The following GRM8 variants were observed in gnomAD, a reference collection of about 807,000 sequenced individuals.
The protein encoded by GRM8 is metabotropic glutamate receptor 8.
GRM8 carries 47 observed loss-of-function variants against 87.2 expected under a neutral mutation model. The ratio of observed to expected loss-of-function variants is 0.54; its 90% confidence interval spans 0.43 to 0.69. The LOEUF (loss-of-function observed/expected upper bound fraction) is 0.69. Ranked by LOEUF, GRM8 falls within the 30% of genes least tolerant of loss-of-function variation. The pLI, the probability that GRM8 is intolerant of heterozygous loss-of-function variation, is 0.00. For synonymous variants in GRM8, 396 were observed against 404.5 expected (o/e 0.98, Z 0.25); for missense variants, 1,019 against 1,139.2 (o/e 0.89, Z 1.52).
chr7:127,251,448 G>C (rs1273469168), intron 1 of GRM8, among the ~76,000 whole-genome samples: 1 of 152,160 alleles, frequency 6.6e-6, no homozygotes, highest in African/African-American at 2.4e-5. Flanking sequence ...ATGGCTGAGC[G>C]GTCCATCTCT....
intron 8 of GRM8, among the ~76,000 whole-genome samples, chr7:126,557,386 C>T (rs983262698): frequency 1.3e-5 from 2 of 152,146 alleles, no homozygotes; most frequent in Non-Finnish European, 2.9e-5. Flanking sequence ...CTTGGTCCAT[C>T]CTTACTGTCT....
intron 2 of GRM8, among the ~76,000 whole-genome samples, chr7:127,145,839 A>AAC (rs1828526395): frequency 6.6e-6 from 1 of 152,136 alleles, no homozygotes; most frequent in Non-Finnish European, 1.5e-5. Context: ...TATTGCATGC[A>AAC]ACATACTTAC....
chr7:127,061,101 T>G (rs1184466413), intron 3 of GRM8, among the ~76,000 whole-genome samples: 1 of 152,176 alleles, frequency 6.6e-6, no homozygotes, highest in Non-Finnish European at 1.5e-5. Flanking sequence ...TCCCCATAGC[T>G]TTTCTTCTAC....
At chr7:126,988,817 C>T (rs1812363558) in intron 3 of GRM8, among the ~76,000 whole-genome samples, 1 of 152,112 alleles carries the variant, frequency 6.6e-6, no homozygotes, top group Non-Finnish European at 1.5e-5. Flanking sequence ...TCCAATTTGA[C>T]CAGTGAATTC....
chr7:126,533,389 C>G lies in GRM8; in HGVS notation c.1993G>C (p.Ala665Pro). Residue 665 changes from alanine to proline, a missense_variant, in exon 9 of 11, where the codon GCC (alanine) becomes CCC (proline). Coordinates refer to ENST00000339582, the MANE Select transcript of GRM8 (RefSeq NM_000845.3). ...ATACGGTTTGTTTTGGTCAGAAGGG[C>G]TGCATAGCTGAAACACATGCCAAGT... is the stretch of plus-strand genomic sequence containing the variant. ...LGLGMCFSYA[A>P]LLTKTNRIHR... 3 of 1,613,956 alleles carry G rather than the reference C, an allele frequency of 1.9e-6. No homozygotes were observed. The highest frequency in any genetic ancestry group is 2.5e-6 in the Non-Finnish European group (3 of 1,179,966).
chr7:126,811,015 A>G (rs988923930), intron 6 of GRM8, among the ~76,000 whole-genome samples: 3 of 152,076 alleles, frequency 2.0e-5, no homozygotes, highest in Non-Finnish European at 4.4e-5. Context: ...CTCACATTTA[A>G]GTCTTTAACC....
At chr7:126,787,858 A>T (rs1333500662) in intron 6 of GRM8, among the ~76,000 whole-genome samples, 1 of 152,152 alleles carries the variant, frequency 6.6e-6, no homozygotes, top group Non-Finnish European at 1.5e-5. Context: ...TTCTACTGAA[A>T]TGTAATTTTT....
intron 7 of GRM8, among the ~76,000 whole-genome samples, chr7:126,656,757 G>C (rs1246313001): frequency 1.3e-5 from 2 of 152,152 alleles, no homozygotes; most frequent in African/African-American, 2.4e-5. Context: ...ACAGAGAGGG[G>C]TTATTTCTGC....
chr7:126,831,371 C>A (rs7783173), intron 6 of GRM8, among the ~76,000 whole-genome samples: 3 of 152,084 alleles, frequency 2.0e-5, no homozygotes, highest in East Asian at 1.9e-4. Flanking sequence ...TCGAGCTTCC[C>A]GGCTGCTTTG....
intron 2 of GRM8, among the ~76,000 whole-genome samples, chr7:127,165,794 C>T (rs1183904538): frequency 2.0e-5 from 3 of 152,144 alleles, no homozygotes; most frequent in African/African-American, 7.2e-5. Flanking sequence ...CACCTCTTTA[C>T]TCCCTCTTCT....
chr7:126,442,004 GA>G (rs35430032), intron 10 of GRM8, among the ~76,000 whole-genome samples: 7,120 of 150,996 alleles, frequency 0.047, 516 homozygotes, highest in African/African-American at 0.15. Flanking sequence ...CAAAATGCGT[GA>G]AAAAAAAAAA....
chr7:126,585,508 G>T (rs57391111), intron 8 of GRM8, among the ~76,000 whole-genome samples: 27,517 of 151,974 alleles, frequency 0.18, 2,572 homozygotes, highest in South Asian at 0.23. Context: ...ATAATTAGTT[G>T]CCTGAGTTTA....
At chr7:127,178,566 T>A (rs1414241685) in intron 2 of GRM8, among the ~76,000 whole-genome samples, 5 of 152,130 alleles carry the variant, frequency 3.3e-5, no homozygotes, top group African/African-American at 4.8e-5. Flanking sequence ...TATCCAAAGT[T>A]AAGAGGAAGG....
At chr7:126,848,153 G>T (rs1325709227) in intron 6 of GRM8, among the ~76,000 whole-genome samples, 1 of 152,132 alleles carries the variant, frequency 6.6e-6, no homozygotes, top group Non-Finnish European at 1.5e-5. Flanking sequence ...AAATAGAAAT[G>T]TAATAAAGAC....
intron 6 of GRM8, among the ~76,000 whole-genome samples, chr7:126,803,811 C>T (rs1278225628): frequency 6.6e-6 from 1 of 152,210 alleles, no homozygotes; most frequent in African/African-American, 2.4e-5. Context: ...TTAAACCTAA[C>T]TGTCTTGCTC....
chr7:126,599,477 T>G (rs1317107896), intron 8 of GRM8, among the ~76,000 whole-genome samples: 1 of 152,134 alleles, frequency 6.6e-6, no homozygotes, highest in African/African-American at 2.4e-5. Flanking sequence ...TCATGAACAT[T>G]TAGTAAGTCC....
At chr7:126,739,502 A>G (rs966747098) in intron 7 of GRM8, among the ~76,000 whole-genome samples, 7 of 152,044 alleles carry the variant, frequency 4.6e-5, no homozygotes, top group Non-Finnish European at 1.0e-4. Flanking sequence ...AGCATCTTAC[A>G]TCTTTGATAA....
intron 3 of GRM8, among the ~76,000 whole-genome samples, chr7:127,087,026 G>T (rs1490321226): frequency 6.6e-6 from 1 of 152,230 alleles, no homozygotes; most frequent in Non-Finnish European, 1.5e-5. Flanking sequence ...GGGTGGAAAG[G>T]AGAGCACCTC....
At chr7:126,863,690 G>C (rs1244836542) in intron 6 of GRM8, among the ~76,000 whole-genome samples, 1 of 152,090 alleles carries the variant, frequency 6.6e-6, no homozygotes, top group Non-Finnish European at 1.5e-5. Context: ...GTGAGTTATT[G>C]AAGTCTTCTA....
Sources: allele counts gnomAD v4.1 joint callset (sites outside exome capture counted in the v4.1 genomes callset), GRCh38; gene constraint gnomAD v4.1.1; transcripts MANE v1.5; gene names NCBI Gene and HGNC (gene_info 2026-07-23, HGNC 2026-07-21).